CNBD1: variants seen among roughly 807,000 people sequenced by gnomAD.
CNBD1 encodes cyclic nucleotide-binding domain-containing protein 1.
A neutral mutation model predicts 54.4 loss-of-function variants in CNBD1; 71 were observed. The ratio of observed to expected loss-of-function variants is 1.30; its 90% CI spans 1.08 to 1.59. The LOEUF (loss-of-function observed/expected upper bound fraction) is 1.59. Among genes scored for constraint, CNBD1 ranks in the 40% most tolerant of loss-of-function variants. The probability of loss-of-function intolerance (pLI) is 0.00; values close to 1 mark genes in which losing one functional copy is unlikely to be tolerated. For synonymous variants in CNBD1, 182 were observed against 170.7 expected (o/e 1.07, Z -0.51); for missense variants, 659 against 518.0 (o/e 1.27, Z -2.64).
chr8:86,978,680 T>A (rs2130504356), intron 4 of CNBD1, among the ~76,000 whole-genome samples: 1 of 151,594 alleles, frequency 6.6e-6, no homozygotes, highest in Non-Finnish European at 1.5e-5. Context: ...GTAGCTGGGA[T>A]AACAGGCATG....
intron 5 of CNBD1, among the ~76,000 whole-genome samples, chr8:87,235,844 A>G (rs1807574391): frequency 6.6e-6 from 1 of 152,148 alleles, no homozygotes; most frequent in Non-Finnish European, 1.5e-5. Context: ...ACTGAAAAGC[A>G]AAGCACAGTA....
intron 4 of CNBD1, among the ~76,000 whole-genome samples, chr8:87,167,399 ATTG>A (rs529401084): frequency 6.6e-6 from 1 of 152,080 alleles, no homozygotes; most frequent in African/African-American, 2.4e-5. Flanking sequence ...TATACAGTAA[ATTG>A]TTGTTATGAT....
intron 4 of CNBD1, among the ~76,000 whole-genome samples, chr8:87,043,157 G>A (rs1021402465): frequency 6.6e-6 from 1 of 152,178 alleles, no homozygotes. Context: ...AGGGGGTTAT[G>A]TGTGGAACAG....
At position 87,331,515 on chromosome 8, in the gene CNBD1, A is replaced by G. The variant is rs530570035; in HGVS notation, c.1043-20170A>G. Among the ~76,000 whole-genome samples, 6 of 152,332 alleles carry G rather than the reference A, an allele frequency of 3.9e-5. No homozygotes were observed. In the South Asian group the frequency reaches 6.2e-4, roughly 16 times the overall value. ...GTTTGCTATTGTGAATAGTGCTGCA[A>G]TAAACATATGTGTGCATGTATCTTT... On this transcript the variant is annotated intron_variant, in intron 8 of 10. Coordinates refer to ENST00000518476, the MANE Select transcript of CNBD1 (RefSeq NM_173538.3).
At chr8:87,386,613 G>T (rs558679275), downstream of CNBD1, among the ~76,000 whole-genome samples, 1 of 152,256 alleles carries the variant, frequency 6.6e-6, no homozygotes, top group African/African-American at 2.4e-5. Context: ...TATGTGAAAA[G>T]AACAAATCTA....
chr8:87,351,627 C>A, intron 8 of CNBD1, 58 bp from the exon 9 acceptor site: 1 of 1,390,316 alleles, frequency 7.2e-7, no homozygotes, highest in Non-Finnish European at 9.5e-7. Context: ...GCTAAAATAT[C>A]TAAAATAATT....
At chr8:87,387,785 C>T (rs1037725388), downstream of CNBD1, among the ~76,000 whole-genome samples, 2 of 152,200 alleles carry the variant, frequency 1.3e-5, no homozygotes, top group African/African-American at 4.8e-5. Flanking sequence ...CTCTCCATCC[C>T]AAATCAGCAG....
intron 8 of CNBD1, among the ~76,000 whole-genome samples, chr8:87,322,009 T>A (rs1406591239): frequency 1.4e-5 from 2 of 141,362 alleles, no homozygotes; most frequent in Non-Finnish European, 1.5e-5. Flanking sequence ...TGTGTCCATG[T>A]GATCTCATTG....
chr8:87,398,395 A>G (rs868004577), intron 2 of CNBD1, among the ~76,000 whole-genome samples: 31 of 151,880 alleles, frequency 2.0e-4, no homozygotes, highest in Middle Eastern at 3.2e-3. Context: ...GTAGTTCTAC[A>G]TGAGCCTATT....
intron 5 of CNBD1, among the ~76,000 whole-genome samples, chr8:87,208,656 C>G (rs1412839154): frequency 6.6e-6 from 1 of 151,914 alleles, no homozygotes; most frequent in East Asian, 1.9e-4. Context: ...CCAGATCAAA[C>G]TTTTATTATC....
At chr8:87,303,052 C>T (rs1269665493) in intron 8 of CNBD1, among the ~76,000 whole-genome samples, 2 of 151,758 alleles carry the variant, frequency 1.3e-5, no homozygotes, top group African/African-American at 2.4e-5. Flanking sequence ...GTGAAAATGG[C>T]CATACTGCCC....
chr8:87,309,681 A>T (rs918223598), intron 8 of CNBD1, among the ~76,000 whole-genome samples: 5 of 152,102 alleles, frequency 3.3e-5, no homozygotes, highest in Admixed American at 2.6e-4. Flanking sequence ...ATGAATAACT[A>T]TATCTACATA....
intron 4 of CNBD1, among the ~76,000 whole-genome samples, chr8:86,969,156 T>A (rs1017538767): frequency 2.6e-5 from 4 of 152,206 alleles, no homozygotes; most frequent in African/African-American, 9.7e-5. Flanking sequence ...ATTTACTGTT[T>A]TTTTTCTCTG....
At position 87,302,453 on chromosome 8, in the gene CNBD1, A is replaced by C. The variant is rs534467056; in HGVS notation, c.1042+15782A>C. On this transcript the variant is annotated intron_variant, in intron 8 of 10. Coordinates refer to ENST00000518476, the MANE Select transcript of CNBD1 (RefSeq NM_173538.3). ...AAATTCAACAACCCTTCATGCTAAA[A>C]ACTCTCAATAAATTAGGTATTGATG... Among the ~76,000 whole-genome samples the C allele has an allele frequency of 5.3e-4, 68 of 128,250 alleles. No individual in the cohort carries two copies. In the East Asian group the frequency reaches 0.013, roughly 24 times the overall value. The allele number at this position is 128,250 out of a possible 152,430, so 84.1% of individuals were successfully genotyped here.
At chr8:87,341,704 G>T (rs1296818656) in intron 8 of CNBD1, among the ~76,000 whole-genome samples, 1 of 152,204 alleles carries the variant, frequency 6.6e-6, no homozygotes, top group African/African-American at 2.4e-5. Context: ...GATCTCTTGT[G>T]AAGAAAAGTG....
At chr8:87,377,808 G>T (rs1195631415) in intron 10 of CNBD1, among the ~76,000 whole-genome samples, 1 of 149,008 alleles carries the variant, frequency 6.7e-6, no homozygotes, top group Non-Finnish European at 1.5e-5. Flanking sequence ...ATCCTCTCCA[G>T]CACCTGTTGT....
intron 8 of CNBD1, among the ~76,000 whole-genome samples, chr8:87,288,361 G>A (rs1373647392): frequency 3.9e-5 from 6 of 151,912 alleles, no homozygotes; most frequent in East Asian, 1.9e-4. Flanking sequence ...TTTGATCCTT[G>A]CCTCTCTTCC....
chr8:87,309,477 G>C (rs1809221007), intron 8 of CNBD1, among the ~76,000 whole-genome samples: 1 of 151,996 alleles, frequency 6.6e-6, no homozygotes. Flanking sequence ...CTATTGCTTT[G>C]TGTATTTCTA....
chr8:87,387,043 G>A (rs931334500), downstream of CNBD1, among the ~76,000 whole-genome samples: 9 of 152,160 alleles, frequency 5.9e-5, no homozygotes, highest in Non-Finnish European at 1.2e-4. Flanking sequence ...ATACTTTACA[G>A]ACAAGGAAAT....
Sources: gnomAD v4.1 joint callset for allele counts (sites outside exome capture counted in the v4.1 genomes callset) on GRCh38, gnomAD v4.1.1 for gene constraint, MANE v1.5 for transcripts, NCBI Gene and HGNC (gene_info 2026-07-23, HGNC 2026-07-21) for gene names.